The following SULF2 variants were observed in gnomAD, a reference collection of about 807,000 sequenced individuals.
The protein encoded by SULF2 is extracellular sulfatase Sulf-2.
Under a neutral mutation model 107.7 loss-of-function variants are expected in SULF2, and 52 were observed. The ratio of observed to expected loss-of-function variants is 0.48; its 90% confidence interval spans 0.39 to 0.61. The LOEUF (loss-of-function observed/expected upper bound fraction) is 0.61. SULF2 is among the 20% of genes least tolerant of loss of function. SULF2 has a pLI of 0.00. For missense variants in SULF2, 993 were observed against 1,177.3 expected, an observed-to-expected ratio of 0.84 and a Z score of 2.29; for synonymous variants, 460 against 464.3, an observed-to-expected ratio of 0.99 and a Z score of 0.12.
At chr20:47,663,834 G>A (rs563908643) in intron 15 of SULF2, among the ~76,000 whole-genome samples, 1 of 152,328 alleles carries the variant, frequency 6.6e-6, no homozygotes, top group East Asian at 1.9e-4. Context: ...CTCCCAAGGG[G>A]GCACAAGCTG....
rs780027788 is a variant in SULF2, at chr20:47,663,443, G to A, written c.2227+10C>T. 8.5e-5 allele frequency: 137 copies of A among 1,606,342 alleles called. No homozygotes were observed. The Admixed American group carries it at 2.2e-3, about 26-fold the overall frequency. On this transcript the variant is annotated intron_variant, in intron 16 of 20. Coordinates refer to ENST00000688720, the MANE Select transcript of SULF2 (RefSeq NM_001387048.1). ...CTCAGCCTGTCCACCCCTGCCCTGGGCTTGCTCACGTGTCCAGAAAGGCGC... is the reference window on the plus strand; with the variant it reads ...CTCAGCCTGTCCACCCCTGCCCTGGACTTGCTCACGTGTCCAGAAAGGCGC...
Position 47,663,624 on chromosome 20 carries a change from T to C in SULF2, c.2058-2A>G. ...TTGTCCTTCTCTTGCAGGCCCTTCC[T>C]ATGGGCGCAGAGGGCCACACACACC... is the stretch of plus-strand genomic sequence containing the variant. On this transcript the variant is annotated splice_acceptor_variant, in intron 15 of 20. Coordinates refer to ENST00000688720, the MANE Select transcript of SULF2 (RefSeq NM_001387048.1). LOFTEE classifies it high-confidence loss of function. 1 of 1,579,310 alleles carries C rather than the reference T, an allele frequency of 6.3e-7. No homozygotes were observed.
At chr20:47,745,448 TATATATATACACATACAC>T (rs2090011399) in intron 2 of SULF2, among the ~76,000 whole-genome samples, 2 of 15,574 alleles carry the variant, frequency 1.3e-4, no homozygotes, top group African/African-American at 3.3e-4. Context: ...TATATATATA[TATATATATACACATACAC>T]ACACACTTTT....
chr20:47,665,691 A>G (rs2087240707), intron 13 of SULF2, among the ~76,000 whole-genome samples, 166 bp downstream of exon 13: 1 of 152,210 alleles, frequency 6.6e-6, no homozygotes, highest in Non-Finnish European at 1.5e-5. Flanking sequence ...TATCTGTCTC[A>G]TGCTGGGACT....
At chr20:47,770,236 T>C (rs1381173294) in intron 1 of SULF2, among the ~76,000 whole-genome samples, 1 of 151,858 alleles carries the variant, frequency 6.6e-6, no homozygotes, top group African/African-American at 2.4e-5. Flanking sequence ...ACTTTTTAAA[T>C]TTTTGGTAGA....
intron 5 of SULF2, among the ~76,000 whole-genome samples, chr20:47,688,786 G>C (rs1316529537): frequency 2.0e-5 from 3 of 151,970 alleles, no homozygotes; most frequent in Admixed American, 6.7e-5. Context: ...AAGGTGAACA[G>C]TGCCTTCGGT....
intron 2 of SULF2, among the ~76,000 whole-genome samples, chr20:47,745,128 A>C (rs897645964): frequency 6.6e-6 from 1 of 151,984 alleles, no homozygotes; most frequent in African/African-American, 2.4e-5. Context: ...AACACAGCCC[A>C]TAAATAACTT....
intron 4 of SULF2, among the ~76,000 whole-genome samples, chr20:47,691,028 A>T (rs948603909): frequency 6.6e-6 from 1 of 152,226 alleles, no homozygotes; most frequent in Non-Finnish European, 1.5e-5. Flanking sequence ...AGAACAGGAA[A>T]TTAAGGCACA....
intron 9 of SULF2, 174 bp from the exon 10 acceptor site, chr20:47,676,797 AT>A: frequency 3.9e-6 from 3 of 765,710 alleles, no homozygotes. Context: ...AGACATTGGA[AT>A]TTTATAAGAA....
intron 1 of SULF2, among the ~76,000 whole-genome samples, chr20:47,764,452 C>A (rs192145226): frequency 1.2e-4 from 18 of 152,330 alleles, no homozygotes; most frequent in African/African-American, 4.1e-4. Context: ...TCCCACCCCC[C>A]CTTATATATG....
chr20:47,663,743 T>C, intron 15 of SULF2, 121 bp from the exon 16 acceptor site: 3 of 1,190,256 alleles, frequency 2.5e-6, no homozygotes, highest in Middle Eastern at 2.1e-4. Context: ...GCCATGGGCA[T>C]AGCAATTCAG....
chr20:47,775,023 C>T (rs751624478), intron 1 of SULF2, among the ~76,000 whole-genome samples: 1 of 152,144 alleles, frequency 6.6e-6, no homozygotes, highest in Non-Finnish European at 1.5e-5. Flanking sequence ...AAATCCTGTT[C>T]CAGCTTGAGG....
At chr20:47,703,158 A>C (rs4810659) in intron 3 of SULF2, among the ~76,000 whole-genome samples, 32,039 of 151,998 alleles carry the variant, frequency 0.21, 3,580 homozygotes, top group East Asian at 0.39. Context: ...CTCCTGACCA[A>C]AGTGTTGGGA....
chr20:47,659,277 C>T (rs750278906), intron 20 of SULF2, 122 bp downstream of exon 20: 2 of 837,308 alleles, frequency 2.4e-6, no homozygotes, highest in Non-Finnish European at 4.0e-6. Context: ...ACTTCCCCCC[C>T]ACCCTCATCA....
chr20:47,713,076 G>A (rs1039743015), intron 3 of SULF2, among the ~76,000 whole-genome samples: 1 of 151,912 alleles, frequency 6.6e-6, no homozygotes, highest in Non-Finnish European at 1.5e-5. Flanking sequence ...GAAAGGAAGG[G>A]ATTTCTATTA....
intron 2 of SULF2, among the ~76,000 whole-genome samples, chr20:47,756,257 G>A (rs1001935091): frequency 1.3e-5 from 2 of 152,096 alleles, no homozygotes; most frequent in Admixed American, 1.3e-4. Context: ...GTTATCAAAT[G>A]CGCCTCATTC....
chr20:47,676,676 C>A (rs1324268519), intron 9 of SULF2, 53 bp from the exon 10 acceptor site: 3 of 1,542,550 alleles, frequency 1.9e-6, no homozygotes, highest in Non-Finnish European at 2.6e-6. Context: ...TCTGGAGGAG[C>A]CCCGGAGGCA....
chr20:47,678,530 G>GGGACCATGCTT lies in SULF2; in HGVS notation c.1193+145_1193+146insAAGCATGGTCC. The GGGACCATGCTT allele has an allele frequency of 3.3e-5, 33 of 993,700 alleles. No homozygotes were observed. The highest frequency in any genetic ancestry group is 4.6e-5 in the Non-Finnish European group (31 of 670,404). The allele number at this position is 993,700 out of a possible 1,614,324, so 61.6% of individuals were successfully genotyped here. ...GAGGGGACCATGCTTCTCTCCCACA[G>GGGACCATGCTT]CAGGTAAGTGGTTGGCATGGCGGGA... On this transcript the variant is annotated intron_variant, in intron 8 of 20. Transcript: ENST00000688720. The surrounding 1 kb of genome is among the most constrained non-coding windows in gnomAD (Gnocchi z 4.5).
intron 1 of SULF2, among the ~76,000 whole-genome samples, chr20:47,761,895 T>C (rs959164075): frequency 6.6e-6 from 1 of 152,200 alleles, no homozygotes; most frequent in South Asian, 2.1e-4. Flanking sequence ...TGGGAGATAA[T>C]TGAATCATGG....
Sources: allele counts gnomAD v4.1 joint callset (sites outside exome capture counted in the v4.1 genomes callset), GRCh38; gene constraint gnomAD v4.1.1; non-coding constraint Gnocchi (gnomAD v3.1); transcripts MANE v1.5; gene names NCBI Gene and HGNC (gene_info 2026-07-23, HGNC 2026-07-21).